Variants in PCDHGA2 observed in about 807,000 individuals in gnomAD.
PCDHGA2 encodes protocadherin gamma subfamily A, 2, also known as protocadherin gamma-A2.
PCDHGA2 carries 40 observed loss-of-function variants against 59.2 expected under a neutral mutation model. The ratio of observed to expected loss-of-function variants is 0.68; its 90% CI spans 0.52 to 0.88. PCDHGA2 has a LOEUF of 0.88. PCDHGA2 is among the 40% of genes least tolerant of loss of function. The pLI, the probability that PCDHGA2 is intolerant of heterozygous loss-of-function variation, is 0.00. For synonymous variants in PCDHGA2, 560 were observed against 526.0 expected, an observed-to-expected ratio of 1.06 and a Z score of -0.89; for missense variants, 1,226 against 1,204.0, an observed-to-expected ratio of 1.02 and a Z score of -0.27.
At chr5:141,375,170 G>A in intron 1 of PCDHGA2, 2 of 1,613,964 alleles carry the variant, frequency 1.2e-6, no homozygotes, top group Admixed American at 1.7e-5. Context: ...TGCACCTCCA[G>A]GAACAGTAAT....
At chr5:141,409,712 T>C (rs1049603081) in intron 1 of PCDHGA2, 5 of 1,613,122 alleles carry the variant, frequency 3.1e-6, no homozygotes, top group Non-Finnish European at 4.2e-6. Flanking sequence ...GGTGTCGTCA[T>C]ACGTGTCAGT....
At chr5:141,362,594 T>C in intron 1 of PCDHGA2, 1 of 1,586,338 alleles carries the variant, frequency 6.3e-7, no homozygotes. Context: ...TCTGGTTTTA[T>C]TGTTTCACCT....
chr5:141,351,801 G>A, intron 1 of PCDHGA2: 1 of 1,613,308 alleles, frequency 6.2e-7, no homozygotes, highest in Non-Finnish European at 8.5e-7. Flanking sequence ...TTCGCGCAGC[G>A]CGCCTTCGAC....
intron 1 of PCDHGA2, among the ~76,000 whole-genome samples, chr5:141,450,776 C>T (rs757791026): frequency 4.0e-5 from 6 of 151,440 alleles, no homozygotes; most frequent in Non-Finnish European, 8.8e-5. Context: ...CATGAGCCAC[C>T]GTGCCCGGAC....
rs776864431 is a variant in PCDHGA2 at position 141,365,544 on chromosome 5, TAAC to T, written c.2424+24153_2424+24155del. ...TCAGTTGATAATTACTATCACCTATTAACAACTAGGGACCTGGACAGAGAAGAG... is the reference window on the plus strand; with the variant it reads ...TCAGTTGATAATTACTATCACCTATTAACTAGGGACCTGGACAGAGAAGAG... On this transcript the variant is annotated intron_variant, in intron 1 of 3. Transcript: ENST00000394576. 1.9e-6 allele frequency: 3 copies of T among 1,613,800 alleles called. No individual in the cohort carries two copies. In the East Asian group the frequency reaches 6.7e-5, roughly 36 times the overall value.
intron 1 of PCDHGA2, chr5:141,421,903 G>A (rs757656265): frequency 6.2e-6 from 10 of 1,613,704 alleles, no homozygotes; most frequent in African/African-American, 1.3e-5. Flanking sequence ...CCGAAAGGGC[G>A]CAGTTCCCAT....
chr5:141,344,155 A>T (rs987169156), intron 1 of PCDHGA2: 1 of 1,613,886 alleles, frequency 6.2e-7, no homozygotes, highest in African/African-American at 1.3e-5. Context: ...GAGCTAGATA[A>T]AGGTTCCTTC....
rs2096663485 is a variant in PCDHGA2, at chr5:141,422,674, A to G, written c.2425-72133A>G. 3 of 1,606,698 alleles carry G rather than the reference A, an allele frequency of 1.9e-6. No individual in the cohort carries two copies. The East Asian group carries it at 6.7e-5, about 36-fold the overall frequency. On this transcript the variant is annotated intron_variant, in intron 1 of 3. Transcript: ENST00000394576. ...AGTGACCGCCCTCGACCCGGACAGC[A>G]AACAGAATGCCCTGGTCACTTACTC...
At chr5:141,454,313 G>A (rs986902404) in intron 1 of PCDHGA2, among the ~76,000 whole-genome samples, 1 of 152,296 alleles carries the variant, frequency 6.6e-6, no homozygotes, top group Non-Finnish European at 1.5e-5. Context: ...TCAAAGCATT[G>A]AAACCTCCAA....
At chr5:141,344,099 G>C in intron 1 of PCDHGA2, 1 of 1,613,776 alleles carries the variant, frequency 6.2e-7, no homozygotes. Context: ...TCCTGGGGAC[G>C]CTGTGCGAAA....
chr5:141,476,697 C>T lies in PCDHGA2; in HGVS notation c.2425-18110C>T, dbSNP rs758302668. The T allele has an allele frequency of 2.5e-6, 4 of 1,614,110 alleles. No individual in the cohort carries two copies. The highest frequency in any genetic ancestry group is 2.2e-5 in the South Asian group (2 of 91,088). The stretch of plus-strand genomic sequence containing the variant: ...ACGCGGGAGGACAGCACCAAGTACG[C>T]GGAGCTGGTGTTGGAGCGCGCCCTG... On this transcript the variant is annotated intron_variant, in intron 1 of 3. Coordinates refer to ENST00000394576, the MANE Select transcript of PCDHGA2 (RefSeq NM_018915.4). The surrounding 1 kb of genome is among the most constrained non-coding windows in gnomAD (Gnocchi z 7.6).
At chr5:141,389,939 G>A in intron 1 of PCDHGA2, 1 of 1,614,082 alleles carries the variant, frequency 6.2e-7, no homozygotes, top group Non-Finnish European at 8.5e-7. Context: ...TCCAGGCTGA[G>A]CTGCAGTTTT....
chr5:141,408,752 G>A (rs780102602), intron 1 of PCDHGA2: 8 of 1,610,388 alleles, frequency 5.0e-6, no homozygotes, highest in Non-Finnish European at 5.9e-6. Flanking sequence ...AATGGTTAGA[G>A]TTAATTCCGA....
intron 1 of PCDHGA2, chr5:141,478,865 T>G: frequency 7.5e-7 from 1 of 1,326,190 alleles, no homozygotes; most frequent in Non-Finnish European, 1.0e-6. Context: ...ATCTCAGCGA[T>G]CAGAGTTTAG....
intron 1 of PCDHGA2, among the ~76,000 whole-genome samples, chr5:141,474,280 C>A (rs1490512371): frequency 6.6e-6 from 1 of 152,136 alleles, no homozygotes; most frequent in African/African-American, 2.4e-5. Context: ...CTCTGAATAA[C>A]CCACTAGATC....
chr5:141,400,402 G>T (rs574141234), intron 1 of PCDHGA2: 2 of 1,614,056 alleles, frequency 1.2e-6, no homozygotes, highest in South Asian at 2.2e-5. Context: ...AGGAAAGACG[G>T]AGTTTAATTT....
intron 1 of PCDHGA2, chr5:141,440,348 C>G (rs2098169693): frequency 6.6e-6 from 1 of 152,190 alleles, no homozygotes; most frequent in South Asian, 2.1e-4. Flanking sequence ...GGCCTATAAT[C>G]CTAGCTACTC....
At chr5:141,405,020 A>G in intron 1 of PCDHGA2, 1 of 1,613,342 alleles carries the variant, frequency 6.2e-7, no homozygotes, top group Non-Finnish European at 8.5e-7. Context: ...CTCAGACCTT[A>G]CCCTCTACCT....
At chr5:141,414,043 G>A in intron 1 of PCDHGA2, 1 of 1,611,348 alleles carries the variant, frequency 6.2e-7, no homozygotes, top group Non-Finnish European at 8.5e-7. Context: ...AAAATTACCT[G>A]ACACGCAATT....
Sources: gnomAD v4.1 joint callset for allele counts (sites outside exome capture counted in the v4.1 genomes callset) on GRCh38, gnomAD v4.1.1 for gene constraint, Gnocchi (gnomAD v3.1) non-coding constraint, MANE v1.5 for transcripts, NCBI Gene and HGNC (gene_info 2026-07-23, HGNC 2026-07-21) for gene names.